PKHD1L1: variants seen among roughly 807,000 people sequenced by gnomAD.
The protein encoded by PKHD1L1 is PKHD1 like 1, also known as fibrocystin-L.
A neutral mutation model predicts 462.9 loss-of-function variants in PKHD1L1; 434 were observed. That is an observed-to-expected ratio of 0.94 (90% CI 0.87 to 1.02). The LOEUF is 1.02. Among genes scored for constraint, PKHD1L1 ranks in the 50% least tolerant of loss-of-function variants. The pLI is 0.00. For missense variants in PKHD1L1, 5,202 were observed against 5,096.1 expected (o/e 1.02, Z -0.63); for synonymous variants, 1,781 against 1,750.0 (o/e 1.02, Z -0.44).
chr8:109,418,141 G>T (rs1675089913), intron 21 of PKHD1L1, among the ~76,000 whole-genome samples: 1 of 152,100 alleles, frequency 6.6e-6, no homozygotes, highest in South Asian at 2.1e-4. Flanking sequence ...CTTATAAAAG[G>T]TCCTGTTCAG....
chr8:109,411,668 C>T (rs1050906990), intron 19 of PKHD1L1, among the ~76,000 whole-genome samples: 2 of 152,126 alleles, frequency 1.3e-5, no homozygotes, highest in African/African-American at 4.8e-5. Flanking sequence ...TTTTTGCACA[C>T]ATTTTGGACT....
chr8:109,501,576 AT>A (rs1489763075), intron 67 of PKHD1L1, among the ~76,000 whole-genome samples: 2 of 152,236 alleles, frequency 1.3e-5, no homozygotes, highest in African/African-American at 2.4e-5. Context: ...TAAAGACTAC[AT>A]TTTAATTTCT....
intron 8 of PKHD1L1, among the ~76,000 whole-genome samples, chr8:109,389,448 T>C (rs1008453961): frequency 4.6e-5 from 7 of 152,070 alleles, no homozygotes; most frequent in Non-Finnish European, 7.4e-5. Flanking sequence ...TTAATTTTGC[T>C]CTGTTCTTTT....
chr8:109,508,066 A>G, intron 69 of PKHD1L1, 31 bp from the exon 70 acceptor site: 7 of 1,557,592 alleles, frequency 4.5e-6, no homozygotes, highest in Non-Finnish European at 5.2e-6. Context: ...ATTCTGTATT[A>G]TTGCTAAAAT....
At chr8:109,424,992 T>A in intron 23 of PKHD1L1, 93 bp from the exon 24 acceptor site, 1 of 1,067,598 alleles carries the variant, frequency 9.4e-7, no homozygotes, top group East Asian at 2.8e-5. Flanking sequence ...GGCTCATTTA[T>A]GTCATGTCAC....
At chr8:109,515,099 A>G (rs1820196194) in intron 71 of PKHD1L1, 71 bp from the exon 72 acceptor site, 1 of 1,215,824 alleles carries the variant, frequency 8.2e-7, no homozygotes, top group South Asian at 1.7e-5. Context: ...ACAATATTGA[A>G]GGACGGTTTA....
chr8:109,524,896 T>G (rs1340453634), intron 76 of PKHD1L1, among the ~76,000 whole-genome samples: 1 of 145,990 alleles, frequency 6.8e-6, no homozygotes, highest in East Asian at 2.2e-4. Flanking sequence ...TACCCTCTCC[T>G]TCTCCCCTCC....
chr8:109,484,545 G>C (rs1355912334), intron 57 of PKHD1L1, among the ~76,000 whole-genome samples: 1 of 151,928 alleles, frequency 6.6e-6, no homozygotes, highest in South Asian at 2.1e-4. Flanking sequence ...TTTGTCAAGG[G>C]TACATCTGAG....
chr8:109,388,416 A>G (rs1474735977), intron 6 of PKHD1L1, 81 bp from the exon 7 acceptor site: 2 of 970,978 alleles, frequency 2.1e-6, no homozygotes, highest in Middle Eastern at 2.1e-4. Context: ...TAAGGGAACC[A>G]GTGAGTTGAT....
intron 50 of PKHD1L1, chr8:109,470,574 C>T: frequency 6.3e-7 from 1 of 1,595,402 alleles, no homozygotes; most frequent in South Asian, 1.1e-5. Context: ...AGCTTAGTTC[C>T]CAGCATGAGC....
chr8:109,491,887 G>C lies in PKHD1L1; in HGVS notation c.10129G>C (p.Gly3377Arg). 1 of 1,602,658 alleles carries C rather than the reference G, an allele frequency of 6.2e-7. No homozygotes were observed. The highest frequency in any genetic ancestry group is 1.1e-5 in the South Asian group (1 of 90,080). The stretch of plus-strand genomic sequence containing the variant: ...TTTTTAAACAGGCATAAGAATATGG[G>C]GGAATGCCAACCGAGTCCGAGGGAA... ...FTVGEGIRIW[G>R]NANRVRGNLI... The change falls in exon 62 of 78, where the codon GGG (glycine) becomes CGG (arginine). Residue 3377 changes from glycine (G) to arginine (R), a missense_variant. Coordinates refer to ENST00000378402, the MANE Select transcript of PKHD1L1 (RefSeq NM_177531.6).
At chr8:109,524,026 G>A (rs1362357180) in intron 76 of PKHD1L1, among the ~76,000 whole-genome samples, 14 of 152,062 alleles carry the variant, frequency 9.2e-5, no homozygotes, top group Admixed American at 9.2e-4. Context: ...TCTTCATATA[G>A]GTTGATGACA....
intron 45 of PKHD1L1, among the ~76,000 whole-genome samples, 177 bp from the exon 46 acceptor site, chr8:109,456,085 G>T (rs1018291968): frequency 6.6e-6 from 1 of 152,044 alleles, no homozygotes; most frequent in African/African-American, 2.4e-5. Context: ...AAACACAATT[G>T]TTACTTTTAT....
At position 109,440,697 on chromosome 8, in the gene PKHD1L1, T is replaced by A. The variant is rs1322134375; in HGVS notation, c.3957-13T>A. On this transcript the variant is annotated splice_polypyrimidine_tract_variant and intron_variant, in intron 32 of 77. Transcript: ENST00000378402. ...GGAAGCTCATTGAAAAATCTATTCA[T>A]TTTTTTTCTCAGAGACAAATTAAAT... The A allele has an allele frequency of 5.0e-6, 8 of 1,594,842 alleles. No individual in the cohort carries two copies. Among genetic ancestry groups the A allele is most frequent in the Non-Finnish European group, 6.9e-6 (8 of 1,167,554 alleles).
At chr8:109,499,495 A>T (rs1279814496) in intron 67 of PKHD1L1, among the ~76,000 whole-genome samples, 2 of 152,068 alleles carry the variant, frequency 1.3e-5, no homozygotes, top group African/African-American at 4.8e-5. Context: ...ATACCCTTGG[A>T]GGAAATTGTA....
At chr8:109,475,718 G>A (rs1416145310) in intron 51 of PKHD1L1, among the ~76,000 whole-genome samples, 1 of 151,334 alleles carries the variant, frequency 6.6e-6, no homozygotes, top group South Asian at 2.1e-4. Context: ...GTGGTGGTGG[G>A]CATCTGTAGT....
chr8:109,463,571 T>A (rs1464828565), intron 48 of PKHD1L1, among the ~76,000 whole-genome samples: 1 of 151,542 alleles, frequency 6.6e-6, no homozygotes, highest in Admixed American at 6.6e-5. Flanking sequence ...CACACGCACA[T>A]ACACACACAC....
chr8:109,432,420 G>T (rs1483655237), intron 27 of PKHD1L1, among the ~76,000 whole-genome samples: 1 of 151,828 alleles, frequency 6.6e-6, no homozygotes, highest in Non-Finnish European at 1.5e-5. Flanking sequence ...TTTGTTCTTA[G>T]CTATTTGAAT....
At position 109,522,822 on chromosome 8, in the gene PKHD1L1, C is replaced by A; in HGVS notation, c.12262C>A (p.Gln4088Lys). Residue 4088 changes from glutamine to lysine, a missense_variant, in exon 75 of 78, where the codon CAG becomes AAG. By Grantham distance (53) the Gln-to-Lys change is moderately conservative. Coordinates refer to ENST00000378402, the MANE Select transcript of PKHD1L1 (RefSeq NM_177531.6). Reference protein sequence around the residue: ...AFVSSLLVITQPVAAQPGQPF... With the variant: ...AFVSSLLVITKPVAAQPGQPF... ...CGTGTCCTCACTCTTAGTGATCACT[C>A]AGCCGGTGGCAGCACAGCCAGGACA... The A allele has an allele frequency of 6.2e-7, 1 of 1,612,206 alleles. No homozygotes were observed.
Sources: allele counts gnomAD v4.1 joint callset (sites outside exome capture counted in the v4.1 genomes callset), GRCh38; gene constraint gnomAD v4.1.1; transcripts MANE v1.5; gene names NCBI Gene and HGNC (gene_info 2026-07-23, HGNC 2026-07-21).